Variants in RTEL1 observed in about 807,000 individuals in gnomAD.
The protein encoded by RTEL1 is regulator of telomere length.
Under a neutral mutation model 162.2 loss-of-function variants are expected in RTEL1, and 86 were observed. The ratio of observed to expected loss-of-function variants is 0.53; its 90% confidence interval spans 0.45 to 0.63. The LOEUF (loss-of-function observed/expected upper bound fraction) is 0.63. Among genes scored for constraint, RTEL1 ranks in the 30% least tolerant of loss-of-function variants. The pLI is 0.00. For missense variants in RTEL1, 1,941 were observed against 1,750.2 expected, an observed-to-expected ratio of 1.11 and a Z score of -1.95; for synonymous variants, 958 against 717.9, an observed-to-expected ratio of 1.33 and a Z score of -5.35.
rs539358668 is a variant in RTEL1 at position 63,693,371 on chromosome 20, C to T, written c.2992+88C>T. The T allele has an allele frequency of 1.1e-3, 1,683 of 1,527,582 alleles. 3 individuals carry two copies. Among genetic ancestry groups the T allele is most frequent in the Non-Finnish European group, 1.2e-3 (1,344 of 1,121,094 alleles). The allele number at this position is 1,527,582 out of a possible 1,614,324, so 94.6% of individuals were successfully genotyped here. A position where few individuals can be genotyped will look rare whatever the true frequency, so the allele number is the denominator to read the frequency against. On this transcript the variant is annotated intron_variant, in intron 30 of 34. Transcript: ENST00000360203. ...CTGGGCTGCTTGGGGTGGGCATCCTCGGGCCCTGCTTGGCCCCGCCTCTCT... is the reference window on the plus strand; with the variant it reads ...CTGGGCTGCTTGGGGTGGGCATCCTTGGGCCCTGCTTGGCCCCGCCTCTCT...
intron 27 of RTEL1, 57 bp from the exon 28 acceptor site, chr20:63,691,685 G>A: frequency 6.9e-7 from 1 of 1,458,732 alleles, no homozygotes; most frequent in Non-Finnish European, 9.6e-7. Flanking sequence ...AGGTGCTTTG[G>A]GACCCCAGAG....
chr20:63,662,032 G>A, intron 4 of RTEL1, 89 bp downstream of exon 4: 2 of 996,756 alleles, frequency 2.0e-6, no homozygotes, highest in South Asian at 1.3e-5. Flanking sequence ...GCTGTGCTGT[G>A]GTGGAGGGTG....
intron 28 of RTEL1, 198 bp from the exon 29 acceptor site, chr20:63,692,607 C>G: frequency 9.9e-6 from 6 of 606,302 alleles, no homozygotes; most frequent in Middle Eastern, 4.4e-4. Context: ...ACTGTGTGAC[C>G]TCAGACGGGC....
chr20:63,681,671 G>A lies in RTEL1; in HGVS notation c.1191+952G>A, dbSNP rs906050186. Reference sequence around the variant, plus strand: ...CACTGCCTTCTCCTTCACAGACGCAGCTCTGAGCGGGGGCGAGACCTGGGC... The same window carrying A: ...CACTGCCTTCTCCTTCACAGACGCAACTCTGAGCGGGGGCGAGACCTGGGC... On this transcript the variant is annotated intron_variant, in intron 14 of 34. Coordinates refer to ENST00000360203, the MANE Select transcript of RTEL1 (RefSeq NM_001283009.2). The A allele has an allele frequency of 5.1e-6, 5 of 985,386 alleles. No homozygotes were observed. The African/African-American group carries it at 7.0e-5, about 14-fold the overall frequency. The allele number at this position is 985,386 out of a possible 1,614,324, so 61.0% of individuals were successfully genotyped here.
rs2090945152 is a variant in RTEL1, at chr20:63,695,212, C to G, written c.3490C>G (p.Pro1164Ala). The part of the protein sequence containing the change: ...AVPPVLTHRA[P>A]QPGPSRSEKT... ...GCCTCCTGTGCTTACCCACAGGGCT[C>G]CCCAACCAGGTAGGGCACCTGCCTG... The change falls in exon 33 of 35, where the codon CCC (proline) becomes GCC (alanine). Residue 1164 changes from proline (P) to alanine (A), a missense_variant. Transcript: ENST00000360203. 3 of 1,611,674 alleles carry G rather than the reference C, an allele frequency of 1.9e-6. No homozygotes were observed. The highest frequency in any genetic ancestry group is 1.7e-6 in the Non-Finnish European group (2 of 1,179,600).
chr20:63,690,473 G>T, intron 26 of RTEL1, 32 bp downstream of exon 26: 2 of 1,524,612 alleles, frequency 1.3e-6, no homozygotes, highest in Non-Finnish European at 8.8e-7. Flanking sequence ...TGGGCGGTGT[G>T]GGGGTGGCGG....
At chr20:63,682,593 T>C (rs1227094989) in intron 14 of RTEL1, 1 of 985,846 alleles carries the variant, frequency 1.0e-6, no homozygotes, top group Non-Finnish European at 1.2e-6. Context: ...CTGCCAGCCC[T>C]CGGGTGCCTG....
At chr20:63,664,907 C>T (rs1451013576) in intron 6 of RTEL1, among the ~76,000 whole-genome samples, 7 of 152,198 alleles carry the variant, frequency 4.6e-5, no homozygotes, top group South Asian at 2.1e-4. Context: ...CCCCGCCCCT[C>T]GTGCCCCTTC....
At position 63,688,513 on chromosome 20, in the gene RTEL1, C is replaced by T. The variant is rs766573248; in HGVS notation, c.1723-15C>T. On this transcript the variant is annotated splice_polypyrimidine_tract_variant and intron_variant, in intron 20 of 34. Transcript: ENST00000360203. ...GTGACCAGGGCTGCCGTGTCCCTGC[C>T]TCTTCCTCCCACAGGCCCGCGACTT... 2.1e-5 allele frequency: 34 copies of T among 1,609,400 alleles called. No individual in the cohort carries two copies. Among genetic ancestry groups the T allele is most frequent in the Non-Finnish European group, 2.7e-5 (32 of 1,179,126 alleles).
At chr20:63,678,434 G>T (rs192117801) in intron 12 of RTEL1, 88 bp downstream of exon 12, 1 of 1,233,976 alleles carries the variant, frequency 8.1e-7, no homozygotes, top group East Asian at 2.5e-5. Context: ...GTCACATCAC[G>T]AGTGAGGCCT....
rs994731449 is a variant in RTEL1 at position 63,685,581 on chromosome 20, C to T, written c.1250C>T (p.Ala417Val). 3.1e-6 allele frequency: 5 copies of T among 1,611,790 alleles called. No homozygotes were observed. In the East Asian group the frequency reaches 6.7e-5, roughly 22 times the overall value. The part of the protein sequence containing the change: ...GSPGSPAGLG[A>V]LQSYKVHIHP... ...CCTGGTTCCCCAGCAGGGCTGGGGG[C>T]CTTACAGTCCTATAAGGTAGGGGCC... is the stretch of plus-strand genomic sequence containing the variant. Residue 417 changes from alanine (A) to valine (V), a missense_variant, in exon 15 of 35, where the codon GCC becomes GTC. Coordinates refer to ENST00000360203, the MANE Select transcript of RTEL1 (RefSeq NM_001283009.2).
Position 63,696,008 on chromosome 20 carries a change from GGT to G in RTEL1, c.*151_*152del. 1.4e-6 allele frequency: 1 copy of G among 738,068 alleles called. No individual in the cohort carries two copies. The highest frequency in any genetic ancestry group is 2.2e-6 in the Non-Finnish European group (1 of 458,220). The allele number at this position is 738,068 out of a possible 1,614,324, so 45.7% of individuals were successfully genotyped here. Reference sequence around the variant, plus strand: ...CCTCAGGCAGGCGGGGCCCATGGTTGGTCCCTGCGGTGGGACCGGATCTGGGC... The same window carrying G: ...CCTCAGGCAGGCGGGGCCCATGGTTGCCCTGCGGTGGGACCGGATCTGGGC... On this transcript the variant is annotated 3_prime_UTR_variant, in exon 35 of 35. Coordinates refer to ENST00000360203, the MANE Select transcript of RTEL1 (RefSeq NM_001283009.2).
At chr20:63,681,095 G>A in intron 14 of RTEL1, 1 of 985,422 alleles carries the variant, frequency 1.0e-6, no homozygotes, top group South Asian at 4.7e-5. Context: ...GCGGCTTCCT[G>A]AACAGCTTCT....
At chr20:63,667,742 T>A (rs1457937675) in intron 8 of RTEL1, among the ~76,000 whole-genome samples, 189 bp downstream of exon 8, 2 of 151,764 alleles carry the variant, frequency 1.3e-5, no homozygotes, top group African/African-American at 4.8e-5. Context: ...AGGCCACAGG[T>A]CAGTTTTCTG....
rs370695835 is a variant in RTEL1 at position 63,689,532 on chromosome 20, A to T, written c.1909A>T (p.Asn637Tyr). Residue 637 changes from asparagine (N) to tyrosine (Y), a missense_variant, in exon 23 of 35, where the codon AAT becomes TAT. Transcript: ENST00000360203. Reference sequence around the variant, plus strand: ...CGAGGGGCTGGACTTCTCAGACACGAATGGCCGTGGTGTGATTGTCACGGG... The same window carrying T: ...CGAGGGGCTGGACTTCTCAGACACGTATGGCCGTGGTGTGATTGTCACGGG... The part of the protein sequence containing the change: ...ASEGLDFSDT[N>Y]GRGVIVTGLP... 4.3e-6 allele frequency: 7 copies of T among 1,609,710 alleles called. No individual in the cohort carries two copies. In the South Asian group the frequency reaches 4.4e-5, roughly 10 times the overall value.
In RTEL1 at chr20:63,696,076, G is replaced by C. The variant is rs1164495200; in HGVS notation, c.*218G>C. Reference sequence around the variant, plus strand: ...CCTGAGCTACCTTGGGGTCTGGGGTGGGTTTCTGGGAAAGTGCTTCCCCAG... The same window carrying C: ...CCTGAGCTACCTTGGGGTCTGGGGTCGGTTTCTGGGAAAGTGCTTCCCCAG... On this transcript the variant is annotated 3_prime_UTR_variant, in exon 35 of 35. Coordinates refer to ENST00000360203, the MANE Select transcript of RTEL1 (RefSeq NM_001283009.2). 3.6e-6 allele frequency: 2 copies of C among 563,024 alleles called. No homozygotes were observed. Among genetic ancestry groups the C allele is most frequent in the Non-Finnish European group, 6.3e-6 (2 of 318,766 alleles). The allele number at this position is 563,024 out of a possible 1,614,324, so 34.9% of individuals were successfully genotyped here. A position where few individuals can be genotyped will look rare whatever the true frequency, so the allele number is the denominator to read the frequency against.
At chr20:63,670,832 GAAAA>G (rs1255488094) in intron 8 of RTEL1, among the ~76,000 whole-genome samples, 2 of 138,780 alleles carry the variant, frequency 1.4e-5, no homozygotes, top group African/African-American at 2.6e-5. Context: ...AAAAAAAAAA[GAAAA>G]AAGAAAAGAC....
chr20:63,685,689 C>A, intron 15 of RTEL1, 92 bp downstream of exon 15: 2 of 1,584,650 alleles, frequency 1.3e-6, no homozygotes, highest in Non-Finnish European at 1.7e-6. Context: ...GGGGCCACCT[C>A]CAGGAGGCAG....
rs61388380 is a variant in RTEL1 at position 63,689,431 on chromosome 20, G to T, written c.1879-71G>T. ...TGGGGACGGAGCCTCGGGGAAGGTG[G>T]CTGGGCTGGGTGTGGGCACCAGGGA... is the stretch of plus-strand genomic sequence containing the variant. On this transcript the variant is annotated intron_variant, in intron 22 of 34. Transcript: ENST00000360203. 42 of 1,447,176 alleles carry T rather than the reference G, an allele frequency of 2.9e-5. No homozygotes were observed. The East Asian group carries it at 1.0e-3, about 35-fold the overall frequency. The allele number at this position is 1,447,176 out of a possible 1,614,324, so 89.6% of individuals were successfully genotyped here.
Sources: allele counts gnomAD v4.1 joint callset (sites outside exome capture counted in the v4.1 genomes callset), GRCh38; gene constraint gnomAD v4.1.1; transcripts MANE v1.5; gene names NCBI Gene and HGNC (gene_info 2026-07-23, HGNC 2026-07-21).